Variants in GLI2 observed in about 807,000 individuals in gnomAD.
GLI2 encodes transcription activator GLI2.
A neutral mutation model predicts 78.9 loss-of-function variants in GLI2; 22 were observed. The observed-to-expected ratio is 0.28, with a 90% confidence interval of 0.20 to 0.40. The LOEUF is 0.40. Ranked by LOEUF, GLI2 falls within the 10% of genes least tolerant of loss-of-function variation. GLI2 has a pLI of 1.00. For synonymous variants in GLI2, 974 were observed against 963.7 expected (o/e 1.01, Z -0.20); for missense variants, 2,097 against 2,213.2 (o/e 0.95, Z 1.05).
At chr2:120,795,804 C>T (rs1057379552) in intron 1 of GLI2, among the ~76,000 whole-genome samples, 1 of 152,134 alleles carries the variant, frequency 6.6e-6, no homozygotes, top group Non-Finnish European at 1.5e-5. Context: ...AATCCCAGCA[C>T]TTTAGGAGGC....
intron 2 of GLI2, among the ~76,000 whole-genome samples, chr2:120,864,767 A>C (rs565352362): frequency 6.6e-6 from 1 of 152,164 alleles, no homozygotes; most frequent in East Asian, 1.9e-4. Flanking sequence ...TTACCTGAGC[A>C]GGGCTTTGGC....
chr2:120,893,731 CTT>C (rs924573488), intron 2 of GLI2, among the ~76,000 whole-genome samples: 1 of 151,650 alleles, frequency 6.6e-6, no homozygotes, highest in Non-Finnish European at 1.5e-5. Context: ...AAAAGATAAA[CTT>C]TTAGCAAACT....
chr2:120,982,565 CA>C (rs1375897781), intron 10 of GLI2, 150 bp from the exon 11 acceptor site: 1 of 614,818 alleles, frequency 1.6e-6, no homozygotes, highest in Non-Finnish European at 2.7e-6. Context: ...TCCATGTTTT[CA>C]GGAAAGGAAA....
In GLI2 at chr2:120,978,607, C is replaced by T. The variant is rs550993301; in HGVS notation, c.1467+24C>T. On this transcript the variant is annotated intron_variant, in intron 10 of 13. Transcript: ENST00000361492. ...CGGTGAGTGGCCTTCTCCCCACCCC[C>T]GCCGCAGCATCAAGACTGGCCTGTC... 38 of 1,607,540 alleles carry T rather than the reference C, an allele frequency of 2.4e-5. 1 individual carries two copies. In the South Asian group the frequency reaches 2.5e-4, roughly 11 times the overall value.
rs751410259 is a variant in GLI2 at position 120,990,300 on chromosome 2, C to T, written c.4335C>T (p.Asn1445=). ...ACGAACAGGATGGAGGCCTGGAGAACCTCGGGAGCTGCCAGGTCATGCGGT... is the reference window on the plus strand; with the variant it reads ...ACGAACAGGATGGAGGCCTGGAGAATCTCGGGAGCTGCCAGGTCATGCGGT... ...HMYEQDGGLE[N]LGSCQVMRSQ... is the part of the protein sequence containing the mutation. The change falls in exon 14 of 14, where the codon AAC becomes AAT. Residue 1445 remains asparagine (N), a synonymous_variant. Coordinates refer to ENST00000361492, the MANE Select transcript of GLI2 (RefSeq NM_001374353.1). 7.4e-6 allele frequency: 12 copies of T among 1,613,596 alleles called. No individual in the cohort carries two copies. The highest frequency in any genetic ancestry group is 1.0e-5 in the Non-Finnish European group (12 of 1,180,018).
intron 7 of GLI2, among the ~76,000 whole-genome samples, chr2:120,971,275 T>C (rs1042493781): frequency 2.0e-5 from 3 of 152,200 alleles, no homozygotes; most frequent in African/African-American, 4.8e-5. Flanking sequence ...AGAGCCCCCA[T>C]AGGCTCTGAT....
rs553201749 is a variant in GLI2, at chr2:120,853,450, G to A, written c.148+55982G>A. ...AGAAGATTCTCCTGCAGCTCAGAGG[G>A]GTCTCCCTTGAGAAAGGCCCTGGGC... On this transcript the variant is annotated intron_variant, in intron 2 of 13. Coordinates refer to ENST00000361492, the MANE Select transcript of GLI2 (RefSeq NM_001374353.1). Among the ~76,000 whole-genome samples, 15 of 152,264 alleles carry A rather than the reference G, an allele frequency of 9.9e-5. No individual in the cohort carries two copies. In the South Asian group the frequency reaches 2.9e-3, roughly 29 times the overall value.
intron 2 of GLI2, among the ~76,000 whole-genome samples, chr2:120,912,172 G>A (rs1410628639): frequency 6.6e-6 from 1 of 152,110 alleles, no homozygotes; most frequent in Non-Finnish European, 1.5e-5. Context: ...TTGTATTTGG[G>A]AGTTTTCCCC....
intron 1 of GLI2, among the ~76,000 whole-genome samples, chr2:120,757,660 C>A (rs980824142): frequency 1.3e-5 from 2 of 152,252 alleles, no homozygotes; most frequent in African/African-American, 4.8e-5. Context: ...CTGTTCAGCT[C>A]TTCCACTGGT....
rs1243938015 is a variant in GLI2, at chr2:120,751,643, C to T, written c.-31+15358C>T. On this transcript the variant is annotated intron_variant, in intron 1 of 13. Transcript: ENST00000361492. The stretch of plus-strand genomic sequence containing the variant: ...AAAAGAAGGCATTCTGGACTCCAGG[C>T]CCACGTTGGTGTTCTCTGTGGGTAA... 2.6e-5 allele frequency among the ~76,000 whole-genome samples: 4 copies of T among 152,174 alleles called. No homozygotes were observed. In the East Asian group the frequency reaches 7.7e-4, roughly 29 times the overall value.
intron 2 of GLI2, among the ~76,000 whole-genome samples, chr2:120,852,768 T>G (rs559596733): frequency 3.3e-5 from 5 of 152,336 alleles, no homozygotes; most frequent in African/African-American, 1.2e-4. Flanking sequence ...TCACTGGTAC[T>G]GAGCACCCCG....
chr2:120,895,024 A>G (rs1298044148), intron 2 of GLI2, among the ~76,000 whole-genome samples: 3 of 145,264 alleles, frequency 2.1e-5, no homozygotes, highest in South Asian at 2.5e-4. Context: ...TAGTGCCTCA[A>G]TGGGTGCCTC....
At chr2:120,919,002 G>C (rs556215470) in intron 2 of GLI2, among the ~76,000 whole-genome samples, 1 of 152,004 alleles carries the variant, frequency 6.6e-6, no homozygotes, top group East Asian at 1.9e-4. Flanking sequence ...GACTGCAAAG[G>C]TTACCTTGAC....
chr2:120,982,686 G>A, intron 10 of GLI2, 30 bp from the exon 11 acceptor site: 2 of 1,594,998 alleles, frequency 1.3e-6, no homozygotes, highest in South Asian at 2.3e-5. Flanking sequence ...CCCCTGGGGT[G>A]CCTTGACTGA....
At chr2:120,870,833 C>T (rs533675781) in intron 2 of GLI2, among the ~76,000 whole-genome samples, 125 of 152,248 alleles carry the variant, frequency 8.2e-4, no homozygotes, top group African/African-American at 2.9e-3. Context: ...CAGAACCTGG[C>T]GTGTAATACA....
intron 5 of GLI2, among the ~76,000 whole-genome samples, chr2:120,960,346 C>T (rs1195884978): frequency 1.3e-5 from 2 of 152,142 alleles, no homozygotes. Context: ...GAATGTCCAG[C>T]CAAGGCATGG....
At chr2:120,810,889 A>T (rs1470033555) in intron 2 of GLI2, among the ~76,000 whole-genome samples, 1 of 152,130 alleles carries the variant, frequency 6.6e-6, no homozygotes, top group Non-Finnish European at 1.5e-5. Flanking sequence ...TGGCATTCTG[A>T]TAGCTCTGAT....
chr2:120,804,586 G>GGAT (rs1553450238), intron 2 of GLI2, among the ~76,000 whole-genome samples: 2 of 23,150 alleles, frequency 8.6e-5, no homozygotes, highest in Non-Finnish European at 2.0e-4. Context: ...CCTTGGACCT[G>GGAT]ATGCACCCAG....
At chr2:120,847,932 C>G (rs575442685) in intron 2 of GLI2, among the ~76,000 whole-genome samples, 191 of 152,298 alleles carry the variant, frequency 1.3e-3, no homozygotes, top group African/African-American at 4.4e-3. Flanking sequence ...GGGGGTGCAG[C>G]AGATGTCACT....
Sources: gnomAD v4.1 joint callset for allele counts (sites outside exome capture counted in the v4.1 genomes callset) on GRCh38, gnomAD v4.1.1 for gene constraint, MANE v1.5 for transcripts, NCBI Gene and HGNC (gene_info 2026-07-23, HGNC 2026-07-21) for gene names.